RYR2: variants seen among roughly 807,000 people sequenced by gnomAD.
RYR2 encodes cardiac muscle ryanodine receptor-calcium release channel.
RYR2 carries 227 observed loss-of-function variants against 601.1 expected under a neutral mutation model. The ratio of observed to expected loss-of-function variants is 0.38; its 90% CI spans 0.34 to 0.42. The LOEUF is 0.42. RYR2 is among the 10% of genes least tolerant of loss of function. The pLI is 1.00. For synonymous variants in RYR2, 2,223 were observed against 2,175.1 expected, an observed-to-expected ratio of 1.02 and a Z score of -0.61; for missense variants, 4,646 against 6,156.5, an observed-to-expected ratio of 0.75 and a Z score of 8.21.
chr1:237,602,116 TA>T lies in RYR2; in HGVS notation c.4683+9del. The T allele has an allele frequency of 6.2e-7, 1 of 1,603,948 alleles. No homozygotes were observed. The highest frequency in any genetic ancestry group is 8.5e-7 in the Non-Finnish European group (1 of 1,172,678). On this transcript the variant is annotated splice_donor_region_variant and intron_variant, in intron 35 of 104. Transcript: ENST00000366574. ...TTTGAGTTGGGAAGAATAAAGGTAA[TA>T]AAACTTATTCCTGGTATTGTATTTG...
rs78261665 is a variant in RYR2, at chr1:237,238,455, C to T, written c.49-32042C>T. Among the ~76,000 whole-genome samples the T allele has an allele frequency of 9.1e-3, 1,392 of 152,304 alleles. 18 individuals carry two copies. The highest frequency in any genetic ancestry group is 0.032 in the African/African-American group (1,316 of 41,552). On this transcript the variant is annotated intron_variant, in intron 1 of 104. Transcript: ENST00000366574. ...ATAAAATCAAGCTGTAACCTGACTA[C>T]CTTGAACACATGTTCTCAGGACCTC...
chr1:237,697,668 T>C (rs1687616060), intron 63 of RYR2, among the ~76,000 whole-genome samples: 3 of 151,228 alleles, frequency 2.0e-5, no homozygotes, highest in South Asian at 4.2e-4. Context: ...ATAAGGACTA[T>C]TTTGTTCATT....
chr1:237,787,475 C>T (rs1269282132), intron 91 of RYR2, among the ~76,000 whole-genome samples: 1 of 151,598 alleles, frequency 6.6e-6, no homozygotes, highest in Non-Finnish European at 1.5e-5. Flanking sequence ...GCCTATAATC[C>T]CAGCTACTTG....
chr1:237,214,609 C>T (rs1031879261), intron 1 of RYR2, among the ~76,000 whole-genome samples: 1 of 152,182 alleles, frequency 6.6e-6, no homozygotes, highest in Non-Finnish European at 1.5e-5. Flanking sequence ...CCGGGTTCCA[C>T]CTCTGACATT....
At chr1:237,389,454 G>A (rs1224901050) in intron 10 of RYR2, among the ~76,000 whole-genome samples, 1 of 152,148 alleles carries the variant, frequency 6.6e-6, no homozygotes, top group Non-Finnish European at 1.5e-5. Flanking sequence ...TAATAACTCT[G>A]TTAGGCAAGG....
rs951057581 is a variant in RYR2 at position 237,655,854 on chromosome 1, C to T, written c.7999C>T (p.Pro2667Ser). ...YEQELFKLAL[P>S]CLSAVAGALP... ...ACAAGAACTTTTCAAACTGGCACTG[C>T]CTTGCCTGAGTGCAGTTGCGGGAGC... The change falls in exon 53 of 105, where the codon CCT becomes TCT. Residue 2667 changes from proline (P) to serine (S), a missense_variant. Physicochemically the swap from Pro to Ser is moderately conservative, Grantham distance 74. Transcript: ENST00000366574. The T allele has an allele frequency of 6.2e-7, 1 of 1,607,140 alleles. No homozygotes were observed. The highest frequency in any genetic ancestry group is 8.5e-7 in the Non-Finnish European group (1 of 1,176,506).
chr1:237,184,385 CA>C (rs1374768966), intron 1 of RYR2, among the ~76,000 whole-genome samples: 1 of 152,166 alleles, frequency 6.6e-6, no homozygotes, highest in Non-Finnish European at 1.5e-5. Context: ...CTACATGGTG[CA>C]AGTTTTTAAG....
intron 79 of RYR2, among the ~76,000 whole-genome samples, chr1:237,737,768 C>G (rs1691275560): frequency 6.6e-6 from 1 of 152,170 alleles, no homozygotes; most frequent in Admixed American, 6.5e-5. Flanking sequence ...GACTGGTTAA[C>G]CTACTTTGTT....
intron 27 of RYR2, among the ~76,000 whole-genome samples, chr1:237,564,264 G>GTTTC (rs932997321): frequency 2.0e-4 from 30 of 152,008 alleles, no homozygotes; most frequent in African/African-American, 3.6e-4. Context: ...CTGAGAACGA[G>GTTTC]TTTCTTTCTT....
At chr1:237,723,613 A>G (rs1028318861) in intron 74 of RYR2, among the ~76,000 whole-genome samples, 1 of 152,096 alleles carries the variant, frequency 6.6e-6, no homozygotes, top group African/African-American at 2.4e-5. Flanking sequence ...ATTTTTTAAT[A>G]TTGCTCATAA....
chr1:237,481,971 G>GTTAA (rs1310830999), intron 17 of RYR2, among the ~76,000 whole-genome samples: 1 of 152,110 alleles, frequency 6.6e-6, no homozygotes, highest in Non-Finnish European at 1.5e-5. Flanking sequence ...AGACACTCCT[G>GTTAA]TTAACCAGGG....
chr1:237,227,238 A>G (rs556969290), intron 1 of RYR2, among the ~76,000 whole-genome samples: 139 of 152,080 alleles, frequency 9.1e-4, no homozygotes, highest in African/African-American at 3.0e-3. Context: ...TAGGTTTTAT[A>G]TGTCCCCACC....
At chr1:237,136,250 T>C (rs1270837320) in intron 1 of RYR2, among the ~76,000 whole-genome samples, 1 of 152,204 alleles carries the variant, frequency 6.6e-6, no homozygotes, top group Non-Finnish European at 1.5e-5. Context: ...GCAAGTGATG[T>C]GGACTGAGAC....
chr1:237,655,212 A>T (rs138037725), intron 52 of RYR2, among the ~76,000 whole-genome samples: 1 of 152,196 alleles, frequency 6.6e-6, no homozygotes, highest in African/African-American at 2.4e-5. Context: ...TTTATTTAAC[A>T]TTGAACATTT....
intron 1 of RYR2, among the ~76,000 whole-genome samples, chr1:237,212,365 A>G (rs1219541566): frequency 2.0e-5 from 3 of 152,170 alleles, no homozygotes; most frequent in Middle Eastern, 6.3e-3. Flanking sequence ...ATTAATGAAC[A>G]TTTAAGTTGT....
At chr1:237,219,862 T>C (rs59465945) in intron 1 of RYR2, among the ~76,000 whole-genome samples, 1 of 152,206 alleles carries the variant, frequency 6.6e-6, no homozygotes, top group Non-Finnish European at 1.5e-5. Flanking sequence ...AGCTGTGCAA[T>C]TTAAAGCAGT....
At chr1:237,531,607 G>C (rs974986667) in intron 25 of RYR2, among the ~76,000 whole-genome samples, 2 of 152,108 alleles carry the variant, frequency 1.3e-5, no homozygotes, top group African/African-American at 2.4e-5. Flanking sequence ...TAGAAATTGT[G>C]CTTTTGCTGT....
intron 1 of RYR2, among the ~76,000 whole-genome samples, chr1:237,081,285 A>T (rs1178618766): frequency 5.5e-4 from 81 of 146,086 alleles, no homozygotes; most frequent in African/African-American, 1.9e-3. Flanking sequence ...TATAATAAAA[A>T]AAAAAAAAAA....
chr1:237,395,537 T>C (rs1204523386), intron 10 of RYR2, among the ~76,000 whole-genome samples: 16 of 11,742 alleles, frequency 1.4e-3, no homozygotes, highest in African/African-American at 0.01. Flanking sequence ...GACTGTCTTT[T>C]TTTTTTTTTT....
Sources: gnomAD v4.1 joint callset for allele counts (sites outside exome capture counted in the v4.1 genomes callset) on GRCh38, gnomAD v4.1.1 for gene constraint, MANE v1.5 for transcripts, NCBI Gene and HGNC (gene_info 2026-07-23, HGNC 2026-07-21) for gene names.